The following NALCN variants were observed in gnomAD, a reference collection of about 807,000 sequenced individuals.
NALCN encodes the protein sodium leak channel NALCN.
Under a neutral mutation model 225.3 loss-of-function variants are expected in NALCN, and 111 were observed. The ratio of observed to expected loss-of-function variants is 0.49; its 90% confidence interval spans 0.42 to 0.58. The LOEUF is 0.58. Ranked by LOEUF, NALCN falls within the 20% of genes least tolerant of loss-of-function variation. The pLI, the probability that NALCN is intolerant of heterozygous loss-of-function variation, is 0.00. For missense variants in NALCN, 1,378 were observed against 2,202.4 expected, an observed-to-expected ratio of 0.63 and a Z score of 7.49; for synonymous variants, 764 against 769.0, an observed-to-expected ratio of 0.99 and a Z score of 0.11.
chr13:101,058,447 G>C, intron 42 of NALCN: 15 of 144,178 alleles, frequency 1.0e-4, no homozygotes, highest in South Asian at 4.4e-4. Flanking sequence ...TCACCAGCCT[G>C]GAGATCCACA....
At chr13:101,408,968 T>C (rs115353053) in intron 1 of NALCN, among the ~76,000 whole-genome samples, 3,522 of 152,316 alleles carry the variant, frequency 0.023, 65 homozygotes, top group South Asian at 0.044. Context: ...AGTCTATTTC[T>C]TAAATCCCAA....
At chr13:101,346,600 T>C (rs2045746647) in intron 6 of NALCN, among the ~76,000 whole-genome samples, 1 of 152,158 alleles carries the variant, frequency 6.6e-6, no homozygotes, top group South Asian at 2.1e-4. Flanking sequence ...GATTTAGTGA[T>C]AGCTCTAGGA....
At chr13:101,068,436 T>C (rs1211092581) in intron 38 of NALCN, among the ~76,000 whole-genome samples, 1 of 152,208 alleles carries the variant, frequency 6.6e-6, no homozygotes, top group East Asian at 1.9e-4. Context: ...TCTCTGATAT[T>C]TGTTCAACTC....
chr13:101,384,196 T>G (rs931470675), intron 3 of NALCN, among the ~76,000 whole-genome samples: 2 of 152,096 alleles, frequency 1.3e-5, no homozygotes, highest in African/African-American at 2.4e-5. Context: ...CTAACACATA[T>G]GAATGCCCAG....
chr13:101,344,604 G>T (rs946736706), intron 7 of NALCN, among the ~76,000 whole-genome samples: 1 of 151,960 alleles, frequency 6.6e-6, no homozygotes, highest in Non-Finnish European at 1.5e-5. Context: ...TATAATATGC[G>T]CAACTTGCAT....
intron 15 of NALCN, among the ~76,000 whole-genome samples, chr13:101,176,096 T>C (rs890518069): frequency 6.6e-6 from 1 of 152,228 alleles, no homozygotes; most frequent in African/African-American, 2.4e-5. Context: ...AATAAAACTA[T>C]TCCTAGGATA....
At chr13:101,140,845 G>A (rs1027119233) in intron 17 of NALCN, among the ~76,000 whole-genome samples, 1 of 152,182 alleles carries the variant, frequency 6.6e-6, no homozygotes, top group African/African-American at 2.4e-5. Context: ...GATCACTTGA[G>A]CTCAGGAGTT....
chr13:101,063,406 G>A (rs1457338775), intron 40 of NALCN, among the ~76,000 whole-genome samples: 1 of 152,198 alleles, frequency 6.6e-6, no homozygotes, highest in Non-Finnish European at 1.5e-5. Context: ...GGAATAAATA[G>A]GAAGGGGAGA....
chr13:101,230,702 G>A (rs1362244579), intron 12 of NALCN, among the ~76,000 whole-genome samples: 1 of 152,172 alleles, frequency 6.6e-6, no homozygotes, highest in African/African-American at 2.4e-5. Context: ...GTGACCATGG[G>A]GGGCACAGCC....
intron 10 of NALCN, among the ~76,000 whole-genome samples, chr13:101,273,884 CAAAA>C (rs34847260): frequency 1.0e-5 from 1 of 95,864 alleles, no homozygotes. Flanking sequence ...GACTCCATCT[CAAAA>C]AAAAAAAAAA....
intron 6 of NALCN, among the ~76,000 whole-genome samples, chr13:101,369,482 T>C (rs1327348841): frequency 6.6e-6 from 1 of 152,154 alleles, no homozygotes; most frequent in Non-Finnish European, 1.5e-5. Context: ...TCAGAAGACA[T>C]TCGTGTATCT....
intron 20 of NALCN, among the ~76,000 whole-genome samples, chr13:101,109,763 C>A (rs1426006057): frequency 6.6e-6 from 1 of 152,158 alleles, no homozygotes; most frequent in Non-Finnish European, 1.5e-5. Flanking sequence ...GGCTTCTCTG[C>A]ATTTTTTTCA....
chr13:101,204,907 A>G (rs1438276733), intron 13 of NALCN, among the ~76,000 whole-genome samples: 3 of 152,164 alleles, frequency 2.0e-5, no homozygotes, highest in Non-Finnish European at 4.4e-5. Flanking sequence ...CCATTATTTA[A>G]TATAATCTTA....
At chr13:101,259,176 TAATA>T (rs2042335763) in intron 10 of NALCN, among the ~76,000 whole-genome samples, 1 of 152,064 alleles carries the variant, frequency 6.6e-6, no homozygotes, top group African/African-American at 2.4e-5. Context: ...GAACCTATTC[TAATA>T]AGGAAACTGA....
intron 17 of NALCN, among the ~76,000 whole-genome samples, chr13:101,140,373 GAGAAACAATCAC>G (rs1216392631): frequency 5.3e-5 from 8 of 152,262 alleles, no homozygotes; most frequent in African/African-American, 1.9e-4. Context: ...CAGGAAATGT[GAGAAACAATCAC>G]ATTTCCTTTT....
chr13:101,133,278 G>A (rs559620858), intron 17 of NALCN, among the ~76,000 whole-genome samples: 6 of 152,166 alleles, frequency 3.9e-5, no homozygotes, highest in Admixed American at 3.9e-4. Flanking sequence ...TAGCTTTTTT[G>A]ATTTACAATG....
intron 17 of NALCN, among the ~76,000 whole-genome samples, chr13:101,141,657 A>T (rs2037083280): frequency 6.6e-6 from 1 of 151,700 alleles, no homozygotes; most frequent in Non-Finnish European, 1.5e-5. Flanking sequence ...GTGAAAAAGG[A>T]GGAAAAAGGG....
intron 32 of NALCN, 22 bp downstream of exon 32, chr13:101,083,070 G>A (rs1248427021): frequency 6.2e-7 from 1 of 1,608,414 alleles, no homozygotes; most frequent in Admixed American, 1.7e-5. Context: ...CATTCCCGGA[G>A]TCTTAGGGTG....
chr13:101,409,631 T>C (rs1387344744), intron 1 of NALCN, among the ~76,000 whole-genome samples: 3 of 152,240 alleles, frequency 2.0e-5, no homozygotes, highest in South Asian at 2.1e-4. Context: ...AATCTTATAA[T>C]ATGAATCTGT....
Sources: allele counts gnomAD v4.1 joint callset (sites outside exome capture counted in the v4.1 genomes callset), GRCh38; gene constraint gnomAD v4.1.1; transcripts MANE v1.5; gene names NCBI Gene and HGNC (gene_info 2026-07-23, HGNC 2026-07-21).